The following TRIM69 variants were observed in gnomAD, a reference collection of about 807,000 sequenced individuals.
TRIM69 encodes E3 ubiquitin-protein ligase TRIM69.
TRIM69 carries 29 observed loss-of-function variants against 37.7 expected under a neutral mutation model. That is an observed-to-expected ratio of 0.77 (90% confidence interval 0.57 to 1.05). TRIM69 has a LOEUF of 1.05. TRIM69 is among the 50% of genes least tolerant of loss of function. The pLI, the probability that TRIM69 is intolerant of heterozygous loss-of-function variation, is 0.00. For missense variants in TRIM69, 596 were observed against 579.9 expected (o/e 1.03, Z -0.28); for synonymous variants, 209 against 212.4 (o/e 0.98, Z 0.14).
chr15:44,756,603 C>G, intron 3 of TRIM69, 140 bp downstream of exon 3: 1 of 600,258 alleles, frequency 1.7e-6, no homozygotes, highest in Non-Finnish European at 2.9e-6. Context: ...AAAACTGAGT[C>G]TGTAGGGTGG....
In TRIM69 at chr15:44,756,479, G is replaced by A; in HGVS notation, c.579+16G>A. ...TGCTCACAAGGTGAGGAGCAAGAAA[G>A]AGGGGTTATGAGATAGAACTGGAAC... On this transcript the variant is annotated intron_variant, in intron 3 of 6. Coordinates refer to ENST00000329464, the MANE Select transcript of TRIM69 (RefSeq NM_182985.5). The A allele has an allele frequency of 1.3e-6, 2 of 1,519,374 alleles. No homozygotes were observed. The highest frequency in any genetic ancestry group is 1.8e-6 in the Non-Finnish European group (2 of 1,118,074). The allele number at this position is 1,519,374 out of a possible 1,614,324, so 94.1% of individuals were successfully genotyped here. A position where few individuals can be genotyped will look rare whatever the true frequency, so the allele number is the denominator to read the frequency against.
rs2087733922 is a variant in TRIM69, at chr15:44,759,767, G to T, written c.856G>T (p.Val286Leu). Residue 286 changes from valine (V) to leucine (L), a missense_variant, in exon 6 of 7, where the codon GTG becomes TTG. Val to Leu is a conservative substitution (Grantham distance 32). Coordinates refer to ENST00000329464, the MANE Select transcript of TRIM69 (RefSeq NM_182985.5). ...CTGCAGCTTGGAGCAAGGAATGAAG[G>T]TGCTGGCAACCAGAGAGCTTATTTC... is the stretch of plus-strand genomic sequence containing the variant. ...LLHSLEQGMK[V>L]LATRELISRK... The T allele has an allele frequency of 1.2e-6, 2 of 1,614,204 alleles. No individual in the cohort carries two copies.
intron 1 of TRIM69, among the ~76,000 whole-genome samples, chr15:44,749,441 A>T (rs1003647190): frequency 6.6e-6 from 1 of 152,134 alleles, no homozygotes; most frequent in Non-Finnish European, 1.5e-5. Context: ...GTCTCTATAG[A>T]CTTACCTATT....
chr15:44,753,454 G>A (rs1024254531), intron 1 of TRIM69: 5 of 151,822 alleles, frequency 3.3e-5, no homozygotes, highest in African/African-American at 4.8e-5. Context: ...TTTTTCTTTC[G>A]GCAGTTCAGA....
At chr15:44,767,190 C>G (rs191869525) in intron 6 of TRIM69, 41 bp from the exon 7 acceptor site, 1 of 1,545,376 alleles carries the variant, frequency 6.5e-7, no homozygotes, top group East Asian at 2.3e-5. Context: ...GTGTTTACCC[C>G]CCTTTCTCCC....
In TRIM69 at chr15:44,755,198, A is replaced by T; in HGVS notation, c.305A>T (p.Lys102Met). The change falls in exon 2 of 7, where the codon AAG (lysine) becomes ATG (methionine). Residue 102 changes from lysine to methionine, a missense_variant. Coordinates refer to ENST00000329464, the MANE Select transcript of TRIM69 (RefSeq NM_182985.5). ...FNPVLDKLVEKIKKLPLLKGH... is the reference protein window; with the variant it reads ...FNPVLDKLVEMIKKLPLLKGH... ...CCTGTACTGGACAAGTTGGTAGAGAAGATTAAGAAGTTACCCTTACTCAAG... is the reference window on the plus strand; with the variant it reads ...CCTGTACTGGACAAGTTGGTAGAGATGATTAAGAAGTTACCCTTACTCAAG... 6.2e-7 allele frequency: 1 copy of T among 1,614,220 alleles called. No homozygotes were observed. Among genetic ancestry groups the T allele is most frequent in the Middle Eastern group, 1.6e-4 (1 of 6,062 alleles).
In TRIM69 at chr15:44,755,240, C is replaced by T. The variant is rs2141138589; in HGVS notation, c.347C>T (p.Pro116Leu). The change falls in exon 2 of 7, where the codon CCA (proline) becomes CTA (leucine). Residue 116 changes from proline to leucine, a missense_variant. Physicochemically the swap from Pro to Leu is moderately conservative, Grantham distance 98. Coordinates refer to ENST00000329464, the MANE Select transcript of TRIM69 (RefSeq NM_182985.5). ...LPLLKGHPQC[P>L]EHGENLKLFS... is the part of the protein sequence containing the mutation. ...TTACTCAAGGGCCATCCACAGTGCCCAGAGCATGGAGAGAACCTGAAACTG... is the reference window on the plus strand; with the variant it reads ...TTACTCAAGGGCCATCCACAGTGCCTAGAGCATGGAGAGAACCTGAAACTG... 6.2e-7 allele frequency: 1 copy of T among 1,614,180 alleles called. No individual in the cohort carries two copies. Among genetic ancestry groups the T allele is most frequent in the Non-Finnish European group, 8.5e-7 (1 of 1,180,032 alleles).
chr15:44,753,264 CT>C lies in TRIM69; in HGVS notation c.7-1632del, dbSNP rs375572328. On this transcript the variant is annotated intron_variant, in intron 1 of 6. Coordinates refer to ENST00000329464, the MANE Select transcript of TRIM69 (RefSeq NM_182985.5). ...TTTATCTGGGAATGTCTTAATTCCT[CT>C]TTTCATGAATATATAATTCTTTATT... 1.5e-4 allele frequency: 23 copies of C among 152,078 alleles called. No homozygotes were observed. In the East Asian group the frequency reaches 2.9e-3, roughly 19 times the overall value. The allele number at this position is 152,078 out of a possible 1,614,324, so 9.4% of individuals were successfully genotyped here.
chr15:44,744,106 C>A (rs1190999068), intron 1 of TRIM69, among the ~76,000 whole-genome samples: 2 of 151,556 alleles, frequency 1.3e-5, no homozygotes, highest in African/African-American at 2.4e-5. Context: ...CACATATACA[C>A]CATGGAATAC....
intron 1 of TRIM69, among the ~76,000 whole-genome samples, chr15:44,751,537 T>C (rs2468062): frequency 0.78 from 118,488 of 152,024 alleles, 46,836 homozygotes; most frequent in Middle Eastern, 0.85. Flanking sequence ...AATGCTGGGA[T>C]TACAGGCATG....
rs772866731 is a variant in TRIM69, at chr15:44,759,869, C to T, written c.958C>T (p.Pro320Ser). The T allele has an allele frequency of 1.3e-5, 21 of 1,610,444 alleles. No individual in the cohort carries two copies. Among genetic ancestry groups the T allele is most frequent in the Non-Finnish European group, 1.7e-5 (20 of 1,177,138 alleles). ...GAGGGAAATGCAGGACACTCTCTGCCCAGGTATCAGTGGGTAGTAACTATT... is the reference window on the plus strand; with the variant it reads ...GAGGGAAATGCAGGACACTCTCTGCTCAGGTATCAGTGGGTAGTAACTATT... ...VWREMQDTLC[P>S]GLSPLTLDPK... Residue 320 changes from proline to serine, a missense_variant, in exon 6 of 7, where the codon CCA becomes TCA. Transcript: ENST00000329464.
intron 6 of TRIM69, among the ~76,000 whole-genome samples, chr15:44,766,834 G>T (rs1395823528): frequency 6.6e-6 from 1 of 151,628 alleles, no homozygotes; most frequent in African/African-American, 2.4e-5. Flanking sequence ...AGGCAGGTGG[G>T]TTGCTTGGGG....
rs148388242 is a variant in TRIM69, at chr15:44,755,143, C to T, written c.250C>T (p.Leu84=). ...AACATTCTGTCCTGAGTGTAAGATG[C>T]TATGTCAGTATAACAACTGTACATT... ...KETFCPECKM[L]CQYNNCTFNP... Residue 84 remains leucine (L), a synonymous_variant, in exon 2 of 7, where the codon CTA becomes TTA. Transcript: ENST00000329464. 6 of 1,614,172 alleles carry T rather than the reference C, an allele frequency of 3.7e-6. No homozygotes were observed. Among genetic ancestry groups the T allele is most frequent in the East Asian group, 4.5e-5 (2 of 44,892 alleles).
At chr15:44,756,735 G>A (rs1377884176) in intron 3 of TRIM69, 3 of 310,898 alleles carry the variant, frequency 9.6e-6, no homozygotes, top group Non-Finnish European at 1.7e-5. Context: ...GCGTTGAAAT[G>A]TGTCTGGTCT....
chr15:44,738,422 A>T (rs1484436486), intron 1 of TRIM69, among the ~76,000 whole-genome samples: 3 of 152,078 alleles, frequency 2.0e-5, no homozygotes, highest in Non-Finnish European at 4.4e-5. Context: ...CTTTATAAGG[A>T]TGAATATCAA....
At chr15:44,745,299 C>T (rs900117877) in intron 1 of TRIM69, among the ~76,000 whole-genome samples, 27 of 152,132 alleles carry the variant, frequency 1.8e-4, no homozygotes, top group African/African-American at 6.3e-4. Flanking sequence ...TATTAGATGA[C>T]TACTAAGTTC....
chr15:44,767,253 C>T lies in TRIM69; in HGVS notation c.984C>T (p.Asp328=). 3.7e-6 allele frequency: 6 copies of T among 1,613,630 alleles called. No homozygotes were observed. Among genetic ancestry groups the T allele is most frequent in the Non-Finnish European group, 5.1e-6 (6 of 1,179,898 alleles). ...LCPGLSPLTL[D]PKTAHPNLVL... ...TAGGCCTGTCTCCACTAACTCTGGA[C>T]CCTAAAACAGCTCACCCAAATCTGG... The change falls in exon 7 of 7, where the codon GAC becomes GAT. Residue 328 remains aspartate (D), a synonymous_variant. Transcript: ENST00000329464.
chr15:44,749,005 C>T (rs563712553), intron 1 of TRIM69, among the ~76,000 whole-genome samples: 3 of 151,774 alleles, frequency 2.0e-5, no homozygotes, highest in Non-Finnish European at 2.9e-5. Flanking sequence ...CTCAGCCTTC[C>T]GAGTAGCCGG....
At chr15:44,746,427 C>G (rs1044561679) in intron 1 of TRIM69, among the ~76,000 whole-genome samples, 1 of 152,148 alleles carries the variant, frequency 6.6e-6, no homozygotes, top group Non-Finnish European at 1.5e-5. Flanking sequence ...AAAAAGCACT[C>G]ATCAAAGAAC....
Sources: allele counts gnomAD v4.1 joint callset (sites outside exome capture counted in the v4.1 genomes callset), GRCh38; gene constraint gnomAD v4.1.1; transcripts MANE v1.5; gene names NCBI Gene and HGNC (gene_info 2026-07-23, HGNC 2026-07-21).